The following TRPM7 variants were observed in gnomAD, a reference collection of about 807,000 sequenced individuals.
TRPM7 encodes the protein transient receptor potential cation channel subfamily M member 7, also known as LTRPC ion channel family member 7.
Under a neutral mutation model 229.7 loss-of-function variants are expected in TRPM7, and 134 were observed. The observed-to-expected ratio is 0.58, with a 90% CI of 0.51 to 0.67. The LOEUF (loss-of-function observed/expected upper bound fraction) is 0.67, where lower values mean the gene tolerates loss of function less well. Among genes scored for constraint, TRPM7 ranks in the 30% least tolerant of loss-of-function variants. The probability of loss-of-function intolerance (pLI) is 0.00; values close to 1 mark genes in which losing one functional copy is unlikely to be tolerated. For synonymous variants in TRPM7, 699 were observed against 715.2 expected, an observed-to-expected ratio of 0.98 and a Z score of 0.36; for missense variants, 1,901 against 2,210.0, an observed-to-expected ratio of 0.86 and a Z score of 2.80.
At position 50,558,544 on chromosome 15, in the gene TRPM7, T is replaced by A. The variant is rs11070793; in HGVS notation, c.*3134A>T. On this transcript the variant is annotated 3_prime_UTR_variant, in exon 39 of 39. Transcript: ENST00000646667. ...CTTGTCTCTACGAAAAATACAAAAA[T>A]CAGCCAGGCATTATGGTGGGTACCT... The A allele has an allele frequency of 0.03, 4,540 of 151,938 alleles. 215 individuals carry two copies. The highest frequency in any genetic ancestry group is 0.11 in the African/African-American group (4,350 of 41,398). 9.4% of individuals were successfully genotyped at this position (151,938 alleles called of 1,614,324 possible). A position where few individuals can be genotyped will look rare whatever the true frequency, so the allele number is the denominator to read the frequency against.
intron 6 of TRPM7, among the ~76,000 whole-genome samples, chr15:50,637,872 T>C (rs1049403754): frequency 7.2e-5 from 11 of 152,172 alleles, no homozygotes; most frequent in Non-Finnish European, 1.5e-4. Flanking sequence ...AATAACTAAA[T>C]AGTGCAAATA....
At chr15:50,602,078 G>A (rs1039286926) in intron 21 of TRPM7, among the ~76,000 whole-genome samples, 1 of 151,548 alleles carries the variant, frequency 6.6e-6, no homozygotes, top group African/African-American at 2.4e-5. Flanking sequence ...AAAGACACAT[G>A]CACACGTATG....
intron 30 of TRPM7, among the ~76,000 whole-genome samples, 175 bp from the exon 31 acceptor site, chr15:50,578,839 GATAT>G (rs1221756137): frequency 1.3e-5 from 2 of 149,420 alleles, no homozygotes; most frequent in African/African-American, 2.5e-5. Flanking sequence ...TCCATATATA[GATAT>G]ATATATCTAT....
chr15:50,614,730 G>A (rs921014370), intron 13 of TRPM7, among the ~76,000 whole-genome samples: 1 of 147,328 alleles, frequency 6.8e-6, no homozygotes, highest in African/African-American at 2.5e-5. Flanking sequence ...TATCTTTACA[G>A]AAGGAAATGC....
In TRPM7 at chr15:50,572,204, G is replaced by A. The variant is rs192064168; in HGVS notation, c.5309-2049C>T. Among the ~76,000 whole-genome samples the A allele has an allele frequency of 5.3e-5, 8 of 152,296 alleles. No individual in the cohort carries two copies. The East Asian group carries it at 1.5e-3, about 29-fold the overall frequency. On this transcript the variant is annotated intron_variant, in intron 36 of 38. Transcript: ENST00000646667. ...GGAGGCTGAGGCAGGAGGATGGCTT[G>A]AGCCGAAGGAGTTTGAGGTTGCAGT... is the stretch of plus-strand genomic sequence containing the variant.
chr15:50,635,871 C>G (rs2060887021), intron 7 of TRPM7, among the ~76,000 whole-genome samples: 1 of 151,056 alleles, frequency 6.6e-6, no homozygotes, highest in Admixed American at 6.6e-5. Context: ...CCTAGCTACT[C>G]GGGAGGCTGA....
chr15:50,582,948 C>G, intron 29 of TRPM7, 141 bp downstream of exon 29: 8 of 463,186 alleles, frequency 1.7e-5, no homozygotes. Flanking sequence ...TCTGTAACTG[C>G]TACTATGCTA....
At chr15:50,644,674 G>C (rs1305472965) in intron 4 of TRPM7, among the ~76,000 whole-genome samples, 1 of 151,860 alleles carries the variant, frequency 6.6e-6, no homozygotes, top group Non-Finnish European at 1.5e-5. Context: ...GTGAGTGCTT[G>C]TAATCCCAGC....
At chr15:50,615,224 C>CATTT (rs2060192316) in intron 13 of TRPM7, among the ~76,000 whole-genome samples, 1 of 149,342 alleles carries the variant, frequency 6.7e-6, no homozygotes, top group Non-Finnish European at 1.5e-5. Context: ...CCAAATATTC[C>CATTT]ATTTTCATTG....
intron 24 of TRPM7, among the ~76,000 whole-genome samples, chr15:50,593,963 C>T (rs1364353019): frequency 3.9e-5 from 6 of 152,102 alleles, no homozygotes; most frequent in African/African-American, 1.4e-4. Flanking sequence ...GTACTTCCTC[C>T]TCCTCTTCTG....
At chr15:50,622,667 T>C (rs376718302) in intron 12 of TRPM7, among the ~76,000 whole-genome samples, 1 of 151,294 alleles carries the variant, frequency 6.6e-6, no homozygotes, top group African/African-American at 2.4e-5. Context: ...AGGCGGATCA[T>C]CTGAAGTCGG....
At chr15:50,652,654 TCG>T (rs1379415469) in intron 3 of TRPM7, among the ~76,000 whole-genome samples, 2 of 104,676 alleles carry the variant, frequency 1.9e-5, no homozygotes, top group South Asian at 6.3e-4. Flanking sequence ...TCCAAAAAAA[TCG>T]TTTAAGTGGG....
At chr15:50,617,855 G>A (rs770068754) in intron 13 of TRPM7, among the ~76,000 whole-genome samples, 3 of 151,748 alleles carry the variant, frequency 2.0e-5, no homozygotes, top group Non-Finnish European at 4.4e-5. Context: ...AAAAGGTCTC[G>A]CTTTGTTTGC....
chr15:50,581,946 T>C (rs953678875), intron 29 of TRPM7, among the ~76,000 whole-genome samples: 2 of 152,152 alleles, frequency 1.3e-5, no homozygotes, highest in African/African-American at 4.8e-5. Context: ...ATGTGCCTAA[T>C]CTGTTAATTA....
At chr15:50,654,169 G>A (rs775668947) in intron 3 of TRPM7, among the ~76,000 whole-genome samples, 13 of 152,084 alleles carry the variant, frequency 8.5e-5, no homozygotes, top group Non-Finnish European at 1.9e-4. Context: ...AAAATTATTG[G>A]CCGGGTGCAG....
chr15:50,594,636 T>A (rs1225582977), intron 23 of TRPM7, 23 bp from the exon 24 acceptor site: 1 of 1,477,084 alleles, frequency 6.8e-7, no homozygotes, highest in Non-Finnish European at 9.2e-7. Flanking sequence ...TGAATAAAAA[T>A]AAAATAAACT....
chr15:50,593,683 T>G lies in TRPM7; in HGVS notation c.3542A>C (p.Tyr1181Ser), dbSNP rs1240819732. 6.2e-7 allele frequency: 1 copy of G among 1,612,154 alleles called. No individual in the cohort carries two copies. Among genetic ancestry groups the G allele is most frequent in the Non-Finnish European group, 8.5e-7 (1 of 1,179,460 alleles). ...HDFEEQCVEM[Y>S]FNEKDDKFHS... ...AAATTTGTCATCTTTTTCATTGAAA[T>G]ACATTTCAACACACTGCTCTTCAAA... Residue 1181 changes from tyrosine (Y) to serine (S), a missense_variant, in exon 25 of 39, where the codon TAT becomes TCT. Physicochemically the swap from Tyr to Ser is moderately radical, Grantham distance 144 (BLOSUM62 -2). Transcript: ENST00000646667.
At chr15:50,652,328 C>CAAAAAAAAAAA in intron 3 of TRPM7, among the ~76,000 whole-genome samples, 2 of 34,226 alleles carry the variant, frequency 5.8e-5, no homozygotes, top group Non-Finnish European at 9.4e-5. Flanking sequence ...GACTCCATCT[C>CAAAAAAAAAAA]AAAAAAAAAA....
At chr15:50,587,406 T>C (rs967919585) in intron 27 of TRPM7, among the ~76,000 whole-genome samples, 7 of 54,522 alleles carry the variant, frequency 1.3e-4, no homozygotes, top group African/African-American at 4.5e-4. Flanking sequence ...TAAATACTGC[T>C]TTTTTTTTTT....
Sources: allele counts gnomAD v4.1 joint callset (sites outside exome capture counted in the v4.1 genomes callset), GRCh38; gene constraint gnomAD v4.1.1; transcripts MANE v1.5; gene names NCBI Gene and HGNC (gene_info 2026-07-23, HGNC 2026-07-21).